CHRM3: variants seen among roughly 807,000 people sequenced by gnomAD.
The protein encoded by CHRM3 is muscarinic acetylcholine receptor M3.
In CHRM3, 11 loss-of-function variants were observed where a neutral mutation model predicts 41.8. The observed-to-expected ratio is 0.26, with a 90% confidence interval of 0.17 to 0.44. CHRM3 has a LOEUF of 0.44. CHRM3 is among the 20% of genes least tolerant of loss of function. CHRM3 has a pLI of 1.00. For synonymous variants in CHRM3, 297 were observed against 301.4 expected, an observed-to-expected ratio of 0.99 and a Z score of 0.15; for missense variants, 571 against 745.4, an observed-to-expected ratio of 0.77 and a Z score of 2.72.
chr1:239,566,522 G>C (rs1163224112), intron 3 of CHRM3, among the ~76,000 whole-genome samples: 4 of 152,162 alleles, frequency 2.6e-5, no homozygotes, highest in African/African-American at 9.7e-5. Flanking sequence ...AGCTTTCCTA[G>C]ATGTCTAGTT....
At chr1:239,781,323 C>A (rs773442583) in intron 5 of CHRM3, among the ~76,000 whole-genome samples, 11 of 152,124 alleles carry the variant, frequency 7.2e-5, no homozygotes, top group Non-Finnish European at 1.3e-4. Context: ...GTCAATCTTA[C>A]ACTATTGTGA....
chr1:239,467,198 T>C (rs963874276), intron 1 of CHRM3, among the ~76,000 whole-genome samples: 1 of 152,144 alleles, frequency 6.6e-6, no homozygotes, highest in Non-Finnish European at 1.5e-5. Context: ...TGTATTGAAA[T>C]TGAGTGCTTG....
At chr1:239,789,227 G>A (rs531585731) in intron 5 of CHRM3, among the ~76,000 whole-genome samples, 1 of 152,300 alleles carries the variant, frequency 6.6e-6, no homozygotes, top group African/African-American at 2.4e-5. Context: ...TGTCTCACTG[G>A]CCAGTGCTCA....
intron 5 of CHRM3, among the ~76,000 whole-genome samples, chr1:239,777,938 T>A (rs184157257): frequency 8.3e-4 from 126 of 152,010 alleles, no homozygotes; most frequent in Non-Finnish European, 1.5e-3. Context: ...TATAATGGAC[T>A]ATGGGGACTC....
chr1:239,435,705 G>T (rs1020510145), intron 1 of CHRM3, among the ~76,000 whole-genome samples: 1 of 152,046 alleles, frequency 6.6e-6, no homozygotes, highest in Admixed American at 6.6e-5. Flanking sequence ...TATCCTAGTG[G>T]CAACAAATTC....
intron 5 of CHRM3, among the ~76,000 whole-genome samples, chr1:239,785,249 G>T (rs1668798583): frequency 6.6e-6 from 1 of 152,136 alleles, no homozygotes; most frequent in South Asian, 2.1e-4. Context: ...GCATCCTCAG[G>T]CCGTGATTGT....
intron 3 of CHRM3, chr1:239,606,022 C>T (rs1666203229): frequency 6.6e-6 from 1 of 151,942 alleles, no homozygotes. Flanking sequence ...TGTACTTGAC[C>T]AGAGGATTCA....
At chr1:239,618,197 TG>T (rs1403452963) in intron 3 of CHRM3, among the ~76,000 whole-genome samples, 5 of 151,366 alleles carry the variant, frequency 3.3e-5, no homozygotes, top group African/African-American at 7.3e-5. Flanking sequence ...AGGGCACATT[TG>T]GGGCTTGCAG....
intron 3 of CHRM3, among the ~76,000 whole-genome samples, chr1:239,547,927 T>G (rs773944734): frequency 1.3e-5 from 2 of 152,072 alleles, no homozygotes; most frequent in Non-Finnish European, 2.9e-5. Context: ...ATCAAATGAA[T>G]GTTTAATTTA....
chr1:239,606,539 G>A (rs1017266115), intron 3 of CHRM3, among the ~76,000 whole-genome samples: 3 of 152,208 alleles, frequency 2.0e-5, no homozygotes, highest in African/African-American at 7.2e-5. Context: ...CTCCCAAAGT[G>A]CTGGGATTAT....
chr1:239,726,059 C>G (rs1663408738), intron 5 of CHRM3, among the ~76,000 whole-genome samples: 2 of 151,884 alleles, frequency 1.3e-5, no homozygotes, highest in Admixed American at 1.3e-4. Flanking sequence ...GGAACACAGC[C>G]ATGCACGTTC....
intron 3 of CHRM3, among the ~76,000 whole-genome samples, chr1:239,623,053 CAA>C (rs892560295): frequency 5.6e-5 from 8 of 142,846 alleles, no homozygotes; most frequent in African/African-American, 1.8e-4. Flanking sequence ...AACCCTCCAC[CAA>C]AAAAAAAAAA....
rs995086892 is a variant in CHRM3, at chr1:239,760,993, T to C, written c.-146-66259T>C. Among the ~76,000 whole-genome samples, 111 of 151,228 alleles carry C rather than the reference T, an allele frequency of 7.3e-4. 3 individuals are homozygous for C. Among genetic ancestry groups the C allele is most frequent in the Non-Finnish European group, 5.5e-4 (37 of 67,742 alleles). ...CCTCTCCCCTCGCCCAAACCACTAA[T>C]ATGTCTGAGATTCCAATTATCTTTT... On this transcript the variant is annotated intron_variant, in intron 5 of 6. Coordinates refer to ENST00000676153, the MANE Select transcript of CHRM3 (RefSeq NM_001375978.1).
chr1:239,419,806 G>A (rs1425912795), intron 1 of CHRM3, among the ~76,000 whole-genome samples: 1 of 152,152 alleles, frequency 6.6e-6, no homozygotes, highest in Non-Finnish European at 1.5e-5. Flanking sequence ...CATTCTTCAT[G>A]GGCTTATAAG....
chr1:239,439,319 T>A (rs1337885815), intron 1 of CHRM3, among the ~76,000 whole-genome samples: 3 of 152,292 alleles, frequency 2.0e-5, no homozygotes, highest in East Asian at 3.9e-4. Context: ...ACAATTATAG[T>A]AATAACACTA....
chr1:239,819,717 T>G (rs1671880068), intron 5 of CHRM3, among the ~76,000 whole-genome samples: 1 of 152,198 alleles, frequency 6.6e-6, no homozygotes, highest in Admixed American at 6.5e-5. Context: ...CTTAGACATA[T>G]GCAGACCTGC....
rs570878631 is a variant in CHRM3, at chr1:239,580,704, T to TATATATAC, written c.-313+34956_-313+34957insTATATACA. On this transcript the variant is annotated intron_variant, in intron 3 of 6. Coordinates refer to ENST00000676153, the MANE Select transcript of CHRM3 (RefSeq NM_001375978.1). ...TTGCCCAATTTTATATATATATATA[T>TATATATAC]ACACACACACACACACACACACACA... Among the ~76,000 whole-genome samples the TATATATAC allele has an allele frequency of 1.5e-3, 195 of 131,068 alleles. 2 individuals carry two copies. Among genetic ancestry groups the TATATATAC allele is most frequent in the African/African-American group, 4.0e-3 (139 of 34,982 alleles). The allele number at this position is 131,068 out of a possible 152,430, so 86.0% of individuals were successfully genotyped here. A position where few individuals can be genotyped will look rare whatever the true frequency, so the allele number is the denominator to read the frequency against.
chr1:239,439,189 T>C (rs1034474335), intron 1 of CHRM3, among the ~76,000 whole-genome samples: 3 of 152,118 alleles, frequency 2.0e-5, no homozygotes, highest in Admixed American at 2.0e-4. Context: ...TATTGGTCAG[T>C]AAAAATACTT....
intron 5 of CHRM3, among the ~76,000 whole-genome samples, chr1:239,681,696 C>T (rs888185077): frequency 7.2e-5 from 11 of 152,134 alleles, no homozygotes; most frequent in East Asian, 5.8e-4. Flanking sequence ...GAGTCGAGAC[C>T]GGCCTGAGCT....
Sources: gnomAD v4.1 joint callset for allele counts (sites outside exome capture counted in the v4.1 genomes callset) on GRCh38, gnomAD v4.1.1 for gene constraint, MANE v1.5 for transcripts, NCBI Gene and HGNC (gene_info 2026-07-23, HGNC 2026-07-21) for gene names.